The following QTMAN variants were observed in gnomAD, a reference collection of about 807,000 sequenced individuals.
QTMAN encodes the protein queuosine-tRNA mannosyltransferase.
the QTMAN span, chr2:143,970,667 A>G: frequency 3.8e-6 from 6 of 1,586,498 alleles, no homozygotes; most frequent in Non-Finnish European, 5.2e-6. Flanking sequence ...GACATCTGTG[A>G]AGGTTTCTCC....
the QTMAN span, chr2:143,942,083 C>G: frequency 6.0e-6 from 1 of 166,714 alleles, no homozygotes; most frequent in Non-Finnish European, 1.5e-5. Context: ...CGCACCCCAC[C>G]TTAGACCTGC....
At chr2:144,097,582 A>G in the QTMAN span, among the ~76,000 whole-genome samples, 2 of 151,964 alleles carry the variant, frequency 1.3e-5, no homozygotes, top group African/African-American at 4.8e-5. Flanking sequence ...TGGGAAGGGG[A>G]GGGAACGATC....
the QTMAN span, among the ~76,000 whole-genome samples, chr2:144,115,280 C>A: frequency 6.6e-5 from 10 of 152,166 alleles, no homozygotes; most frequent in East Asian, 1.2e-3. Flanking sequence ...GAAATCTCTA[C>A]GGTGGTTGTC....
chr2:144,041,268 T>A, the QTMAN span, among the ~76,000 whole-genome samples: 1 of 152,160 alleles, frequency 6.6e-6, no homozygotes, highest in Admixed American at 6.5e-5. Flanking sequence ...GTAATAAAAT[T>A]GACTTTTCTT....
the QTMAN span, among the ~76,000 whole-genome samples, chr2:144,172,570 G>A: frequency 6.8e-6 from 1 of 147,444 alleles, no homozygotes; most frequent in African/African-American, 2.6e-5. Context: ...GTTGCAGTGA[G>A]GCAAGATTGT....
the QTMAN span, among the ~76,000 whole-genome samples, chr2:144,194,497 A>C: frequency 1.3e-5 from 2 of 152,208 alleles, no homozygotes; most frequent in African/African-American, 4.8e-5. Context: ...AACATTGAAG[A>C]AATTCACACT....
the QTMAN span, among the ~76,000 whole-genome samples, chr2:144,093,792 G>C: frequency 1.2e-3 from 181 of 152,202 alleles, 4 homozygotes; most frequent in East Asian, 0.029. Flanking sequence ...GGATATGTTG[G>C]TGTGTGTGTT....
At chr2:144,201,392 G>A in the QTMAN span, among the ~76,000 whole-genome samples, 2 of 152,190 alleles carry the variant, frequency 1.3e-5, no homozygotes, top group African/African-American at 4.8e-5. Flanking sequence ...GCACATTAAC[G>A]AGAAGACAGG....
the QTMAN span, among the ~76,000 whole-genome samples, chr2:144,014,003 C>T: frequency 1.7e-4 from 26 of 152,036 alleles, no homozygotes; most frequent in African/African-American, 5.8e-4. Flanking sequence ...CACAGACACC[C>T]CCATTCCTCC....
the QTMAN span, chr2:144,141,907 G>T: frequency 6.2e-7 from 1 of 1,611,104 alleles, no homozygotes; most frequent in Non-Finnish European, 8.5e-7. Context: ...AACCTGATGG[G>T]AAAGTAAATA....
chr2:144,161,029 A>G, the QTMAN span, among the ~76,000 whole-genome samples: 5 of 152,174 alleles, frequency 3.3e-5, no homozygotes, highest in African/African-American at 1.2e-4. Flanking sequence ...TTAGTCAGTC[A>G]TAAGAGTGAT....
the QTMAN span, among the ~76,000 whole-genome samples, chr2:144,310,288 G>A: frequency 6.6e-6 from 1 of 152,114 alleles, no homozygotes; most frequent in African/African-American, 2.4e-5. Context: ...AGGAATGGGG[G>A]GTAGTAAATG....
chr2:144,230,569 C>T, the QTMAN span, among the ~76,000 whole-genome samples: 1 of 151,720 alleles, frequency 6.6e-6, no homozygotes, highest in Non-Finnish European at 1.5e-5. Context: ...GAAAAAAAAA[C>T]ACTTTTACAG....
At chr2:144,241,148 C>G in the QTMAN span, among the ~76,000 whole-genome samples, 1 of 152,310 alleles carries the variant, frequency 6.6e-6, no homozygotes, top group East Asian at 1.9e-4. Flanking sequence ...GCAGCAGCAA[C>G]AGCAACAGGA....
the QTMAN span, among the ~76,000 whole-genome samples, chr2:144,310,584 T>C: frequency 6.6e-6 from 1 of 152,174 alleles, no homozygotes; most frequent in South Asian, 2.1e-4. Context: ...AAGTAAGAAA[T>C]GACAGTGGCT....
chr2:144,257,526 T>C, the QTMAN span, among the ~76,000 whole-genome samples: 4 of 152,208 alleles, frequency 2.6e-5, no homozygotes, highest in East Asian at 1.9e-4. Flanking sequence ...CATAGGCTCC[T>C]ATGACTCGTG....
chr2:144,196,213 C>CCA, the QTMAN span, among the ~76,000 whole-genome samples: 4,900 of 142,458 alleles, frequency 0.034, 94 homozygotes, highest in East Asian at 0.051. Context: ...GCACACATAG[C>CCA]CACACACACA....
At chr2:144,126,180 G>A in the QTMAN span, among the ~76,000 whole-genome samples, 1 of 151,896 alleles carries the variant, frequency 6.6e-6, no homozygotes, top group Non-Finnish European at 1.5e-5. Flanking sequence ...GCAACCAAGA[G>A]AGGCTACTGA....
the QTMAN span, among the ~76,000 whole-genome samples, chr2:144,103,005 T>C: frequency 6.6e-6 from 1 of 152,236 alleles, no homozygotes; most frequent in Admixed American, 6.5e-5. Flanking sequence ...CACTATCACC[T>C]GAGAAAATTC....
Sources: gnomAD v4.1 joint callset for allele counts (sites outside exome capture counted in the v4.1 genomes callset) on GRCh38, gnomAD v4.1.1 for gene constraint, MANE v1.5 for transcripts, NCBI Gene and HGNC (gene_info 2026-07-23, HGNC 2026-07-21) for gene names.